ZAP70: variants seen among roughly 807,000 people sequenced by gnomAD.
ZAP70 encodes tyrosine-protein kinase ZAP-70.
ZAP70 carries 27 observed loss-of-function variants against 65.8 expected under a neutral mutation model. The ratio of observed to expected loss-of-function variants is 0.41; its 90% CI spans 0.30 to 0.57. The LOEUF (loss-of-function observed/expected upper bound fraction) is 0.57. Ranked by LOEUF, ZAP70 falls within the 20% of genes least tolerant of loss-of-function variation. ZAP70 has a pLI of 0.28. For synonymous variants in ZAP70, 363 were observed against 360.8 expected, an observed-to-expected ratio of 1.01 and a Z score of -0.07; for missense variants, 696 against 870.5, an observed-to-expected ratio of 0.80 and a Z score of 2.52.
the ZAP70 span, among the ~76,000 whole-genome samples, chr2:97,747,099 C>T: frequency 6.6e-6 from 1 of 152,144 alleles, no homozygotes; most frequent in Non-Finnish European, 1.5e-5. Context: ...ATCACTCGTG[C>T]ATTGCTGGTG....
downstream of ZAP70, among the ~76,000 whole-genome samples, chr2:97,740,192 C>A (rs935762752): frequency 1.3e-5 from 2 of 152,170 alleles, no homozygotes; most frequent in African/African-American, 4.8e-5. Context: ...CCCCCTCCCC[C>A]ATCCAGCTGG....
At chr2:97,730,984 G>C (rs1179843711) in intron 4 of ZAP70, among the ~76,000 whole-genome samples, 1 of 151,344 alleles carries the variant, frequency 6.6e-6, no homozygotes, top group East Asian at 1.9e-4. Flanking sequence ...GGACCCAGGA[G>C]GCAGAGCTTG....
At chr2:97,733,259 C>T in intron 6 of ZAP70, 38 bp from the exon 7 acceptor site, 1 of 1,609,294 alleles carries the variant, frequency 6.2e-7, no homozygotes, top group African/African-American at 1.3e-5. Flanking sequence ...GGCAGGAGAC[C>T]TGGCCCCCAG....
chr2:97,747,585 C>T, the ZAP70 span, among the ~76,000 whole-genome samples: 2 of 152,082 alleles, frequency 1.3e-5, no homozygotes, highest in Non-Finnish European at 2.9e-5. Context: ...AGTGACTGCT[C>T]ATGGGCATGG....
At chr2:97,750,567 C>A in the ZAP70 span, among the ~76,000 whole-genome samples, 1 of 152,196 alleles carries the variant, frequency 6.6e-6, no homozygotes, top group Non-Finnish European at 1.5e-5. Flanking sequence ...ACTAGCCAAC[C>A]ATTTACAGGT....
At chr2:97,716,488 G>C (rs1490454613) in intron 2 of ZAP70, among the ~76,000 whole-genome samples, 1 of 152,196 alleles carries the variant, frequency 6.6e-6, no homozygotes, top group Admixed American at 6.5e-5. Context: ...AGCTGGGTCA[G>C]GGCTAGAGAG....
intron 9 of ZAP70, 65 bp downstream of exon 9, chr2:97,734,777 G>A (rs1227053100): frequency 6.3e-7 from 1 of 1,592,656 alleles, no homozygotes; most frequent in Non-Finnish European, 8.6e-7. Flanking sequence ...GCTTCACCGG[G>A]CTGTGGGACG....
chr2:97,741,539 G>T (rs781241950), downstream of ZAP70, among the ~76,000 whole-genome samples: 5 of 152,012 alleles, frequency 3.3e-5, no homozygotes, highest in African/African-American at 7.2e-5. Context: ...AAAGCTCCCC[G>T]TTCCCTCCCG....
intron 2 of ZAP70, among the ~76,000 whole-genome samples, chr2:97,714,765 G>C (rs1423693487): frequency 5.3e-5 from 8 of 152,136 alleles, no homozygotes; most frequent in Admixed American, 5.2e-4. Flanking sequence ...TCAGGGTCAG[G>C]GACTCCTAAG....
downstream of ZAP70, among the ~76,000 whole-genome samples, chr2:97,741,374 C>T (rs952938588): frequency 2.0e-5 from 3 of 151,810 alleles, no homozygotes; most frequent in Non-Finnish European, 4.4e-5. Context: ...TCACCGCTGC[C>T]GCTGCCTGGA....
In ZAP70 at chr2:97,737,626, C is replaced by A. The variant is rs371850086; in HGVS notation, c.1443C>A (p.Gly481=). 2 of 1,613,976 alleles carry A rather than the reference C, an allele frequency of 1.2e-6. No individual in the cohort carries two copies. Among genetic ancestry groups the A allele is most frequent in the Non-Finnish European group, 1.7e-6 (2 of 1,180,004 alleles). ...NRHYAKISDF[G]LSKALGADDS... is the part of the protein sequence containing the mutation. ...ACTACGCCAAGATCAGCGACTTTGG[C>A]CTCTCCAAAGCACTGGGTGCCGACG... The change falls in exon 11 of 14, where the codon GGC becomes GGA. Residue 481 remains glycine (G), a synonymous_variant. Transcript: ENST00000264972. The surrounding 1 kb of genome is among the most constrained non-coding windows in gnomAD (Gnocchi z 5.0).
chr2:97,733,524 G>T lies in ZAP70; in HGVS notation c.838-20G>T, dbSNP rs1451682540. The T allele has an allele frequency of 1.9e-6, 3 of 1,613,604 alleles. No individual in the cohort carries two copies. Among genetic ancestry groups the T allele is most frequent in the Middle Eastern group, 3.3e-4 (2 of 6,060 alleles). On this transcript the variant is annotated intron_variant, in intron 7 of 13. Coordinates refer to ENST00000264972, the MANE Select transcript of ZAP70 (RefSeq NM_001079.4). ...GCTGGACGTCCCCAGCTCAGGCCTT[G>T]CTGACCCTGTGGCCTTTAGCCTCAG...
chr2:97,734,450 G>C, intron 8 of ZAP70, 70 bp from the exon 9 acceptor site: 1 of 1,521,976 alleles, frequency 6.6e-7, no homozygotes, highest in Non-Finnish European at 8.8e-7. Flanking sequence ...AGGTGCTTGT[G>C]GGGGCTGAGG....
At chr2:97,732,862 T>A in intron 4 of ZAP70, 21 bp from the exon 5 acceptor site, 1 of 1,613,482 alleles carries the variant, frequency 6.2e-7, no homozygotes, top group Non-Finnish European at 8.5e-7. Flanking sequence ...AGGGGTTACA[T>A]CCCCTCCCTT....
chr2:97,735,430 G>A lies in ZAP70; in HGVS notation c.1263G>A (p.Pro421=), dbSNP rs754016113. ...MLVMEMAGGG[P]LHKFLVGKRE... ...TCATGGAGATGGCTGGGGGCGGGCCGCTGCACAAGTTCCTGGTCGGCAAGA... is the reference window on the plus strand; with the variant it reads ...TCATGGAGATGGCTGGGGGCGGGCCACTGCACAAGTTCCTGGTCGGCAAGA... The change falls in exon 10 of 14, where the codon CCG becomes CCA. Residue 421 remains proline, a synonymous_variant. Transcript: ENST00000264972. 10 of 1,612,642 alleles carry A rather than the reference G, an allele frequency of 6.2e-6. No individual in the cohort carries two copies. The highest frequency in any genetic ancestry group is 7.6e-6 in the Non-Finnish European group (9 of 1,179,046).
downstream of ZAP70, among the ~76,000 whole-genome samples, chr2:97,740,571 A>T (rs897397799): frequency 6.6e-6 from 1 of 152,242 alleles, no homozygotes; most frequent in Non-Finnish European, 1.5e-5. Flanking sequence ...ATCTTATTTT[A>T]TAAGAAGGAG....
chr2:97,735,413 A>C lies in ZAP70; in HGVS notation c.1246A>C (p.Met416Leu). ...QAEALMLVME[M>L]AGGGPLHKFL... ...CGAGGCCCTCATGCTGGTCATGGAG[A>C]TGGCTGGGGGCGGGCCGCTGCACAA... The change falls in exon 10 of 14, where the codon ATG becomes CTG. Residue 416 changes from methionine (M) to leucine (L), a missense_variant. Around this residue, in one of 3 missense-constraint regions of ZAP70, gnomAD observed 551 missense variants for 630.0 expected, o/e 0.87. Transcript: ENST00000264972. 1 of 1,610,468 alleles carries C rather than the reference A, an allele frequency of 6.2e-7. No homozygotes were observed. Among genetic ancestry groups the C allele is most frequent in the Non-Finnish European group, 8.5e-7 (1 of 1,177,796 alleles).
the ZAP70 span, among the ~76,000 whole-genome samples, chr2:97,752,299 C>A: frequency 6.6e-5 from 10 of 152,180 alleles, no homozygotes; most frequent in Non-Finnish European, 1.3e-4. Flanking sequence ...ATTGGCAATA[C>A]CTCTAAAATT....
At chr2:97,721,086 G>A (rs1264061428) in intron 2 of ZAP70, among the ~76,000 whole-genome samples, 12 of 152,196 alleles carry the variant, frequency 7.9e-5, no homozygotes, top group Admixed American at 7.9e-4. Flanking sequence ...GAACCGCTAT[G>A]GAGAGGTATT....
Sources: gnomAD v4.1 joint callset for allele counts (sites outside exome capture counted in the v4.1 genomes callset) on GRCh38, gnomAD v4.1.1 for gene constraint, gnomAD v4.1.1 regional missense constraint, Gnocchi (gnomAD v3.1) non-coding constraint, MANE v1.5 for transcripts, NCBI Gene and HGNC (gene_info 2026-07-23, HGNC 2026-07-21) for gene names.